The following FMN1 variants were observed in gnomAD, a reference collection of about 807,000 sequenced individuals.
FMN1 encodes formin 1.
FMN1 carries 110 observed loss-of-function variants against 132.4 expected under a neutral mutation model. The ratio of observed to expected loss-of-function variants is 0.83; its 90% CI spans 0.71 to 0.97. The LOEUF is 0.97. Ranked by LOEUF, FMN1 falls within the 50% of genes least tolerant of loss-of-function variation. FMN1 has a pLI of 0.00. For synonymous variants in FMN1, 722 were observed against 651.7 expected, an observed-to-expected ratio of 1.11 and a Z score of -1.64; for missense variants, 1,792 against 1,705.3, an observed-to-expected ratio of 1.05 and a Z score of -0.90.
chr15:33,193,451 G>A (rs535812420), intron 2 of FMN1, among the ~76,000 whole-genome samples: 3 of 152,132 alleles, frequency 2.0e-5, no homozygotes, highest in East Asian at 1.9e-4. Flanking sequence ...CAATACACAC[G>A]CAAGGGGGCA....
At chr15:33,170,569 A>AAC (rs1555411782) in intron 3 of FMN1, among the ~76,000 whole-genome samples, 1 of 149,368 alleles carries the variant, frequency 6.7e-6, no homozygotes. Flanking sequence ...AAAAAAAAAA[A>AAC]CCCGTTGAAA....
chr15:32,806,117 G>A (rs982625024), intron 17 of FMN1, among the ~76,000 whole-genome samples: 7 of 152,218 alleles, frequency 4.6e-5, no homozygotes, highest in African/African-American at 1.7e-4. Flanking sequence ...ATGTTATTAT[G>A]TAACATGTTA....
intron 16 of FMN1, among the ~76,000 whole-genome samples, chr15:32,883,805 T>C (rs2059829723): frequency 6.6e-6 from 1 of 152,192 alleles, no homozygotes; most frequent in Non-Finnish European, 1.5e-5. Context: ...AGTTAGGAAA[T>C]GCTGTTTTAA....
rs1567163022 is a variant in FMN1, at chr15:32,785,214, A to ATTTTT, written c.4131-8296_4131-8295insAAAAA. 7.7e-4 allele frequency among the ~76,000 whole-genome samples: 17 copies of ATTTTT among 22,142 alleles called. 1 individual carries two copies. Among genetic ancestry groups the ATTTTT allele is most frequent in the African/African-American group, 2.1e-3 (14 of 6,622 alleles). 14.5% of individuals were successfully genotyped at this position (22,142 alleles called of 152,430 possible). On this transcript the variant is annotated intron_variant, in intron 19 of 20. Transcript: ENST00000616417. Reference sequence around the variant, plus strand: ...TGTGTGTGTGTGTATATATATATATATATATTTTTTTTTTTTTTTTTTTGT... The same window carrying ATTTTT: ...TGTGTGTGTGTGTATATATATATATATTTTTTATATTTTTTTTTTTTTTTTTTTGT...
intron 9 of FMN1, among the ~76,000 whole-genome samples, chr15:32,951,778 G>GC (rs925670745): frequency 1.3e-5 from 2 of 152,176 alleles, no homozygotes; most frequent in Admixed American, 6.5e-5. Context: ...GTACGAAGGG[G>GC]CCTTAGAAAG....
chr15:33,173,437 C>A (rs1172207572), intron 3 of FMN1, among the ~76,000 whole-genome samples: 1 of 152,200 alleles, frequency 6.6e-6, no homozygotes, highest in Non-Finnish European at 1.5e-5. Flanking sequence ...AGAAAGCATG[C>A]TTGGTGTTAG....
intron 9 of FMN1, among the ~76,000 whole-genome samples, chr15:32,926,960 T>A (rs1356687497): frequency 6.6e-6 from 1 of 152,052 alleles, no homozygotes; most frequent in Non-Finnish European, 1.5e-5. Context: ...AATTTTTAAA[T>A]TTTTTTATAG....
At chr15:33,147,022 A>G (rs1460192000) in intron 4 of FMN1, among the ~76,000 whole-genome samples, 2 of 151,916 alleles carry the variant, frequency 1.3e-5, no homozygotes, top group East Asian at 3.9e-4. Context: ...AAAATACAAA[A>G]ACTAGCCAGA....
chr15:32,769,370 TGAA>T lies in FMN1; in HGVS notation c.*4937_*4939del, dbSNP rs370920201. 690 of 152,300 alleles carry T rather than the reference TGAA, an allele frequency of 4.5e-3. 7 individuals carry two copies. The highest frequency in any genetic ancestry group is 0.016 in the African/African-American group (666 of 41,572). The allele number at this position is 152,300 out of a possible 1,614,324, so 9.4% of individuals were successfully genotyped here. On this transcript the variant is annotated 3_prime_UTR_variant, in exon 21 of 21. Transcript: ENST00000616417. ...ATTGCCCATTCCTTGGGAAGGGAGATGAAGAATTGTGAAACCAAAATGCAGTGC... is the reference window on the plus strand; with the variant it reads ...ATTGCCCATTCCTTGGGAAGGGAGATGAATTGTGAAACCAAAATGCAGTGC...
intron 6 of FMN1, among the ~76,000 whole-genome samples, chr15:33,029,112 G>A (rs140738657): frequency 5.9e-5 from 9 of 152,244 alleles, no homozygotes; most frequent in African/African-American, 2.2e-4. Context: ...CTTAAGGACA[G>A]AGTCTCAGAG....
intron 16 of FMN1, among the ~76,000 whole-genome samples, chr15:32,884,977 CTCA>C (rs2059860634): frequency 3.8e-5 from 3 of 78,518 alleles, no homozygotes; most frequent in Admixed American, 2.2e-4. Context: ...TGAAGCTGCC[CTCA>C]CTAAGAAACT....
chr15:33,010,190 G>C lies in FMN1; in HGVS notation c.2162-2115C>G, dbSNP rs187183057. On this transcript the variant is annotated intron_variant, in intron 6 of 20. Coordinates refer to ENST00000616417, the MANE Select transcript of FMN1 (RefSeq NM_001277313.2). ...GAATCTTAAAGGCACTATGCAGAGTGAAAGAAGTCAGTCTCAGAAGGCCAA... is the reference window on the plus strand; with the variant it reads ...GAATCTTAAAGGCACTATGCAGAGTCAAAGAAGTCAGTCTCAGAAGGCCAA... 1.3e-3 allele frequency among the ~76,000 whole-genome samples: 204 copies of C among 152,262 alleles called. 1 individual carries two copies. The highest frequency in any genetic ancestry group is 4.9e-3 in the African/African-American group (202 of 41,540).
At chr15:32,824,284 C>T (rs1026278343) in intron 17 of FMN1, among the ~76,000 whole-genome samples, 7 of 152,246 alleles carry the variant, frequency 4.6e-5, no homozygotes, top group Non-Finnish European at 4.4e-5. Context: ...TGGAGCCCAA[C>T]ACTGGTTTTC....
intron 18 of FMN1, among the ~76,000 whole-genome samples, chr15:32,801,171 ACAGC>A (rs2057465330): frequency 6.6e-6 from 1 of 152,148 alleles, no homozygotes; most frequent in African/African-American, 2.4e-5. Context: ...TGGTTGTTGC[ACAGC>A]CTGAGAAAAA....
intron 4 of FMN1, among the ~76,000 whole-genome samples, chr15:33,117,004 T>TA (rs2039954153): frequency 6.6e-6 from 1 of 152,170 alleles, no homozygotes; most frequent in African/African-American, 2.4e-5. Context: ...CACAACCAAT[T>TA]AAGTGTGGCA....
intron 9 of FMN1, among the ~76,000 whole-genome samples, chr15:32,951,625 G>C (rs559329711): frequency 6.6e-6 from 1 of 152,272 alleles, no homozygotes; most frequent in South Asian, 2.1e-4. Context: ...TCTCATGGTG[G>C]CAATGATGGT....
At chr15:32,986,550 A>G (rs1041403280) in intron 7 of FMN1, among the ~76,000 whole-genome samples, 1 of 152,180 alleles carries the variant, frequency 6.6e-6, no homozygotes, top group Non-Finnish European at 1.5e-5. Flanking sequence ...ATTTTTTAAT[A>G]GAAATTTTAA....
intron 16 of FMN1, among the ~76,000 whole-genome samples, chr15:32,885,427 T>A (rs746750157): frequency 6.6e-6 from 1 of 152,354 alleles, no homozygotes; most frequent in African/African-American, 2.4e-5. Context: ...GTGATATGTA[T>A]TGAACACATG....
intron 5 of FMN1, among the ~76,000 whole-genome samples, chr15:33,076,615 C>G (rs768198093): frequency 1.3e-5 from 2 of 152,114 alleles, no homozygotes; most frequent in African/African-American, 2.4e-5. Flanking sequence ...TTTCTTGCAG[C>G]CTCACCCTCT....
Sources: allele counts gnomAD v4.1 joint callset (sites outside exome capture counted in the v4.1 genomes callset), GRCh38; gene constraint gnomAD v4.1.1; transcripts MANE v1.5; gene names NCBI Gene and HGNC (gene_info 2026-07-23, HGNC 2026-07-21).